The following COL21A1 variants were observed in gnomAD, a reference collection of about 807,000 sequenced individuals.
COL21A1 encodes the protein collagen type XXI alpha 1 chain, also known as collagen alpha-1(XXI) chain.
In COL21A1, 149 loss-of-function variants were observed where a neutral mutation model predicts 137.9. The observed-to-expected ratio is 1.08, with a 90% CI of 0.95 to 1.24. COL21A1 has a LOEUF of 1.24. COL21A1 is among the 50% of genes most tolerant of loss of function. The pLI, the probability that COL21A1 is intolerant of heterozygous loss-of-function variation, is 0.00. For synonymous variants in COL21A1, 456 were observed against 391.5 expected, an observed-to-expected ratio of 1.16 and a Z score of -1.95; for missense variants, 1,167 against 1,158.4, an observed-to-expected ratio of 1.01 and a Z score of -0.11.
intron 1 of COL21A1, among the ~76,000 whole-genome samples, chr6:56,260,631 GGA>G (rs1562028763): frequency 0.097 from 5,040 of 52,168 alleles, 224 homozygotes; most frequent in Non-Finnish European, 0.11. Context: ...GAGAGAGGAA[GGA>G]AGGAAGGAAG....
chr6:56,129,554 A>G (rs1202801814), intron 12 of COL21A1, among the ~76,000 whole-genome samples: 2 of 152,130 alleles, frequency 1.3e-5, no homozygotes, highest in Non-Finnish European at 2.9e-5. Context: ...AAGAATAACT[A>G]TGTTTCCAGT....
At chr6:56,180,821 A>G (rs1777835673) in intron 2 of COL21A1, among the ~76,000 whole-genome samples, 1 of 152,226 alleles carries the variant, frequency 6.6e-6, no homozygotes, top group Non-Finnish European at 1.5e-5. Context: ...TTAGAGAAGA[A>G]GACAAATATA....
At chr6:56,086,920 CTCTG>C (rs1199318488) in intron 17 of COL21A1, among the ~76,000 whole-genome samples, 1 of 152,154 alleles carries the variant, frequency 6.6e-6, no homozygotes, top group African/African-American at 2.4e-5. Flanking sequence ...ATTGCTTCTT[CTCTG>C]TCTTCTTCCC....
chr6:56,159,635 T>C (rs1010607585), intron 9 of COL21A1, among the ~76,000 whole-genome samples: 4 of 23,374 alleles, frequency 1.7e-4, no homozygotes, highest in African/African-American at 5.5e-4. Context: ...CTGGCCTTAC[T>C]TTTTTTTTTT....
At chr6:56,190,539 G>A (rs1778596893) in intron 1 of COL21A1, among the ~76,000 whole-genome samples, 2 of 152,110 alleles carry the variant, frequency 1.3e-5, no homozygotes, top group Admixed American at 1.3e-4. Flanking sequence ...CATTCCTTCT[G>A]AAACAATTCC....
At chr6:56,310,341 T>C (rs1764579213) in intron 1 of COL21A1, among the ~76,000 whole-genome samples, 1 of 152,158 alleles carries the variant, frequency 6.6e-6, no homozygotes, top group African/African-American at 2.4e-5. Context: ...CATTGGAACC[T>C]ACTAGGGAGT....
chr6:56,320,518 A>AACACACACACAC (rs55942460), intron 1 of COL21A1, among the ~76,000 whole-genome samples: 134 of 149,602 alleles, frequency 9.0e-4, no homozygotes, highest in African/African-American at 2.9e-3. Context: ...ACACAATCTG[A>AACACACACACAC]ACACACACAC....
chr6:56,067,024 G>A (rs1230088777), intron 23 of COL21A1, among the ~76,000 whole-genome samples: 2 of 149,350 alleles, frequency 1.3e-5, no homozygotes, highest in Non-Finnish European at 3.0e-5. Context: ...ATGTATATAT[G>A]TATATAAATA....
intron 12 of COL21A1, among the ~76,000 whole-genome samples, chr6:56,130,094 A>G (rs1773399472): frequency 6.7e-6 from 1 of 149,124 alleles, no homozygotes; most frequent in Non-Finnish European, 1.5e-5. Flanking sequence ...TCCTCACTCA[A>G]CACTGAGGAA....
Position 56,136,793 on chromosome 6 carries a change from A to C in COL21A1, c.1542+4992T>G, listed in dbSNP as rs527772297. Among the ~76,000 whole-genome samples, 3 of 152,266 alleles carry C rather than the reference A, an allele frequency of 2.0e-5. No homozygotes were observed. The South Asian group carries it at 6.2e-4, about 32-fold the overall frequency. On this transcript the variant is annotated intron_variant, in intron 12 of 29. Transcript: ENST00000244728. The stretch of plus-strand genomic sequence containing the variant: ...GTCCAAAAGTCTTTTACTGCAATAC[A>C]TTTTGCAATTTAAAGGTTTGATGAC...
intron 1 of COL21A1, among the ~76,000 whole-genome samples, chr6:56,303,995 G>A (rs576424461): frequency 1.5e-4 from 23 of 152,244 alleles, no homozygotes; most frequent in Non-Finnish European, 2.5e-4. Flanking sequence ...AGAATCATGC[G>A]GTTTTTGTCG....
chr6:56,176,697 T>C (rs561768073), intron 3 of COL21A1, among the ~76,000 whole-genome samples: 2 of 139,646 alleles, frequency 1.4e-5, no homozygotes, highest in South Asian at 2.4e-4. Context: ...AGGAGGGAGG[T>C]TTCAGTCAAG....
intron 1 of COL21A1, among the ~76,000 whole-genome samples, chr6:56,283,342 C>A (rs545880979): frequency 6.6e-6 from 1 of 151,286 alleles, no homozygotes; most frequent in Admixed American, 6.6e-5. Flanking sequence ...AATATTTAAC[C>A]ATGTAGAAAA....
intron 1 of COL21A1, among the ~76,000 whole-genome samples, chr6:56,385,651 T>C (rs1310458475): frequency 6.6e-6 from 1 of 152,160 alleles, no homozygotes; most frequent in Non-Finnish European, 1.5e-5. Flanking sequence ...GCAGCCACCA[T>C]CTATATCAAG....
chr6:56,207,182 C>T (rs1182248389), intron 1 of COL21A1, among the ~76,000 whole-genome samples: 2 of 152,008 alleles, frequency 1.3e-5, no homozygotes, highest in Non-Finnish European at 2.9e-5. Flanking sequence ...TAAGAAATAA[C>T]TAAGATCACA....
At chr6:56,177,249 T>C (rs1777557717) in intron 3 of COL21A1, among the ~76,000 whole-genome samples, 3 of 152,132 alleles carry the variant, frequency 2.0e-5, no homozygotes, top group Admixed American at 1.3e-4. Flanking sequence ...AAAGATGGAA[T>C]AAACTGTGGT....
intron 1 of COL21A1, among the ~76,000 whole-genome samples, chr6:56,226,314 C>T (rs973901876): frequency 6.6e-6 from 1 of 151,966 alleles, no homozygotes; most frequent in Non-Finnish European, 1.5e-5. Context: ...AGCAAAGTAA[C>T]TTTTTACAAA....
At chr6:56,080,401 G>A (rs1362117167) in intron 17 of COL21A1, among the ~76,000 whole-genome samples, 1 of 151,720 alleles carries the variant, frequency 6.6e-6, no homozygotes, top group African/African-American at 2.4e-5. Flanking sequence ...AATTGTTCTA[G>A]AAGCTTCTCT....
At chr6:56,234,926 C>G (rs1056858760) in intron 1 of COL21A1, among the ~76,000 whole-genome samples, 16 of 132,908 alleles carry the variant, frequency 1.2e-4, no homozygotes, top group African/African-American at 4.5e-4. Flanking sequence ...CAACATCTTC[C>G]CCTGCTCCAG....
Sources: allele counts gnomAD v4.1 joint callset (sites outside exome capture counted in the v4.1 genomes callset), GRCh38; gene constraint gnomAD v4.1.1; transcripts MANE v1.5; gene names NCBI Gene and HGNC (gene_info 2026-07-23, HGNC 2026-07-21).